The following CSMD1 variants were observed in gnomAD, a reference collection of about 807,000 sequenced individuals.
CSMD1 encodes the protein CUB and Sushi multiple domains 1, also known as CUB and sushi domain-containing protein 1.
In CSMD1, 213 loss-of-function variants were observed where a neutral mutation model predicts 417.5. The observed-to-expected ratio is 0.51, with a 90% CI of 0.46 to 0.57. The LOEUF (loss-of-function observed/expected upper bound fraction) is 0.57, where lower values mean the gene tolerates loss of function less well. Among genes scored for constraint, CSMD1 ranks in the 20% least tolerant of loss-of-function variants. CSMD1 has a pLI of 0.00. For missense variants in CSMD1, 6,923 were observed against 4,529.7 expected, an observed-to-expected ratio of 1.53 and a Z score of -15.17; for synonymous variants, 2,862 against 1,736.8, an observed-to-expected ratio of 1.65 and a Z score of -16.11.
intron 1 of CSMD1, among the ~76,000 whole-genome samples, chr8:4,820,746 C>T (rs1799476716): frequency 6.6e-6 from 1 of 152,096 alleles, no homozygotes; most frequent in Non-Finnish European, 1.5e-5. Context: ...TGCATTCAGG[C>T]ATAAAGACAT....
intron 41 of CSMD1, among the ~76,000 whole-genome samples, chr8:3,122,570 C>T (rs1350770025): frequency 6.6e-6 from 1 of 152,084 alleles, no homozygotes; most frequent in South Asian, 2.1e-4. Context: ...GTGGGAGGGA[C>T]CCAGGGGAGG....
At chr8:4,733,151 T>C (rs1184829542) in intron 1 of CSMD1, among the ~76,000 whole-genome samples, 2 of 152,256 alleles carry the variant, frequency 1.3e-5, no homozygotes, top group South Asian at 2.1e-4. Context: ...CATTCATTTA[T>C]TCAGTCAATG....
At chr8:3,886,716 T>G (rs1425219505) in intron 5 of CSMD1, among the ~76,000 whole-genome samples, 1 of 152,188 alleles carries the variant, frequency 6.6e-6, no homozygotes, top group African/African-American at 2.4e-5. Flanking sequence ...AGTCTTAATC[T>G]AGTGCCTCTA....
At chr8:3,840,007 A>T (rs182625431) in intron 5 of CSMD1, among the ~76,000 whole-genome samples, 4 of 152,282 alleles carry the variant, frequency 2.6e-5, no homozygotes, top group African/African-American at 9.6e-5. Flanking sequence ...GTCATGTCAA[A>T]GCTAAGCTCC....
intron 26 of CSMD1, among the ~76,000 whole-genome samples, chr8:3,230,554 G>A (rs1408144372): frequency 1.3e-5 from 2 of 152,060 alleles, no homozygotes; most frequent in Middle Eastern, 3.4e-3. Context: ...TTTCTCTTCA[G>A]CAATATTTTA....
intron 5 of CSMD1, among the ~76,000 whole-genome samples, chr8:3,830,895 A>G (rs904032535): frequency 1.3e-4 from 20 of 152,162 alleles, no homozygotes; most frequent in African/African-American, 4.8e-4. Flanking sequence ...CTACGTTAAT[A>G]AAATCTATAT....
chr8:4,079,864 T>C (rs971851894), intron 3 of CSMD1, among the ~76,000 whole-genome samples: 1 of 152,206 alleles, frequency 6.6e-6, no homozygotes, highest in African/African-American at 2.4e-5. Flanking sequence ...AATGACCCTT[T>C]GAATACCATC....
At chr8:4,315,155 CT>C (rs1435806840) in intron 3 of CSMD1, among the ~76,000 whole-genome samples, 2 of 152,174 alleles carry the variant, frequency 1.3e-5, no homozygotes, top group African/African-American at 4.8e-5. Flanking sequence ...TCATCCACAC[CT>C]ACCGGAGACA....
chr8:3,319,469 A>G (rs554098539), intron 23 of CSMD1, among the ~76,000 whole-genome samples: 1 of 152,264 alleles, frequency 6.6e-6, no homozygotes, highest in Non-Finnish European at 1.5e-5. Flanking sequence ...GAGCCAATAT[A>G]TAGAAAAAGG....
chr8:3,102,771 A>C (rs186032004), intron 46 of CSMD1, among the ~76,000 whole-genome samples: 1 of 152,028 alleles, frequency 6.6e-6, no homozygotes, highest in African/African-American at 2.4e-5. Context: ...GTTTCCGTTA[A>C]ATATTAAAAG....
intron 1 of CSMD1, among the ~76,000 whole-genome samples, chr8:4,728,159 T>A (rs987938469): frequency 6.8e-6 from 1 of 147,348 alleles, no homozygotes; most frequent in Non-Finnish European, 1.5e-5. Flanking sequence ...ATATATATAT[T>A]TTATATATAT....
At chr8:4,605,673 T>A (rs893292173) in intron 2 of CSMD1, among the ~76,000 whole-genome samples, 1 of 152,228 alleles carries the variant, frequency 6.6e-6, no homozygotes, top group South Asian at 2.1e-4. Flanking sequence ...CTTTAACATA[T>A]ACTTATACTT....
chr8:3,727,362 G>C (rs1246138872), intron 6 of CSMD1, among the ~76,000 whole-genome samples: 1 of 152,152 alleles, frequency 6.6e-6, no homozygotes, highest in Non-Finnish European at 1.5e-5. Flanking sequence ...CCTACAGAGG[G>C]TGCCAGAGAG....
rs79059061 is a variant in CSMD1, at chr8:3,539,865, G to A, written c.1344+35080C>T. On this transcript the variant is annotated intron_variant, in intron 10 of 69. Coordinates refer to ENST00000635120, the MANE Select transcript of CSMD1 (RefSeq NM_033225.6). ...GAAAATCTGGTGGATAATTTTGTTC[G>A]ACCAAACGAACTTAGAAAACGGCTT... Among the ~76,000 whole-genome samples the A allele has an allele frequency of 2.7e-3, 404 of 151,920 alleles. 2 individuals carry two copies. The highest frequency in any genetic ancestry group is 9.4e-3 in the African/African-American group (390 of 41,432).
chr8:3,993,704 T>G lies in CSMD1; in HGVS notation c.818+4199A>C, dbSNP rs759081925. On this transcript the variant is annotated intron_variant, in intron 5 of 69. Coordinates refer to ENST00000635120, the MANE Select transcript of CSMD1 (RefSeq NM_033225.6). ...AAATCATAAAGTAACAGATGTTTCT[T>G]TTGAAGTCATAAGGCAGCCCTAATC... Among the ~76,000 whole-genome samples, 35 of 152,202 alleles carry G rather than the reference T, an allele frequency of 2.3e-4. 1 individual carries two copies. The highest frequency in any genetic ancestry group is 8.4e-4 in the African/African-American group (35 of 41,438).
At chr8:4,792,100 C>T (rs1443039567) in intron 1 of CSMD1, among the ~76,000 whole-genome samples, 1 of 152,102 alleles carries the variant, frequency 6.6e-6, no homozygotes, top group African/African-American at 2.4e-5. Context: ...ATGGAGATCC[C>T]TTCCTCCGTA....
At chr8:4,279,173 C>G (rs867913683) in intron 3 of CSMD1, among the ~76,000 whole-genome samples, 1 of 152,082 alleles carries the variant, frequency 6.6e-6, no homozygotes, top group South Asian at 2.1e-4. Context: ...CCATGCCAAG[C>G]TTCGTCTGTC....
At position 4,230,477 on chromosome 8, in the gene CSMD1, T is replaced by C. The variant is rs1031160916; in HGVS notation, c.415+189476A>G. Among the ~76,000 whole-genome samples, 5 of 152,184 alleles carry C rather than the reference T, an allele frequency of 3.3e-5. No homozygotes were observed. The East Asian group carries it at 5.8e-4, about 18-fold the overall frequency. ...ATATCCCAATCAATAACTATTAAAC[T>C]CTGCTCAAAGTAGATATAATGGTTA... On this transcript the variant is annotated intron_variant, in intron 3 of 69. Coordinates refer to ENST00000635120, the MANE Select transcript of CSMD1 (RefSeq NM_033225.6).
chr8:4,512,162 T>C (rs1802856852), intron 2 of CSMD1, among the ~76,000 whole-genome samples: 1 of 152,074 alleles, frequency 6.6e-6, no homozygotes, highest in African/African-American at 2.4e-5. Flanking sequence ...ACATATCACA[T>C]CAACAGGTTA....
Sources: gnomAD v4.1 joint callset for allele counts (sites outside exome capture counted in the v4.1 genomes callset) on GRCh38, gnomAD v4.1.1 for gene constraint, MANE v1.5 for transcripts, NCBI Gene and HGNC (gene_info 2026-07-23, HGNC 2026-07-21) for gene names.